Variants in TNIP3 observed in about 807,000 individuals in gnomAD.
The protein encoded by TNIP3 is TNFAIP3 interacting protein 3.
A neutral mutation model predicts 54.1 loss-of-function variants in TNIP3; 34 were observed. The observed-to-expected ratio is 0.63, with a 90% CI of 0.48 to 0.84. The LOEUF (loss-of-function observed/expected upper bound fraction) is 0.84, where lower values mean the gene tolerates loss of function less well. Among genes scored for constraint, TNIP3 ranks in the 40% least tolerant of loss-of-function variants. TNIP3 has a pLI of 0.00. For synonymous variants in TNIP3, 134 were observed against 136.8 expected, an observed-to-expected ratio of 0.98 and a Z score of 0.14; for missense variants, 366 against 387.6, an observed-to-expected ratio of 0.94 and a Z score of 0.47.
At chr4:121,165,258 C>CCCCTACT (rs1730692494), upstream of TNIP3, among the ~76,000 whole-genome samples, 1 of 151,588 alleles carries the variant, frequency 6.6e-6, no homozygotes, top group Non-Finnish European at 1.5e-5. Flanking sequence ...TGAATATCTC[C>CCCCTACT]CCCTACTCTC....
intron 10 of TNIP3, among the ~76,000 whole-genome samples, chr4:121,134,431 ACAG>A (rs957133792): frequency 2.3e-4 from 35 of 152,364 alleles, no homozygotes; most frequent in African/African-American, 8.2e-4. Flanking sequence ...CGTTCTGATA[ACAG>A]ATGAAACAAG....
chr4:121,185,681 A>T (rs1579459476), intron 2 of TNIP3, among the ~76,000 whole-genome samples: 1 of 152,332 alleles, frequency 6.6e-6, no homozygotes, highest in East Asian at 1.9e-4. Flanking sequence ...CCTAAAATGT[A>T]TGTAAATAAA....
At chr4:121,213,216 T>C (rs1726573700) in intron 2 of TNIP3, among the ~76,000 whole-genome samples, 1 of 152,180 alleles carries the variant, frequency 6.6e-6, no homozygotes, top group South Asian at 2.1e-4. Context: ...CCAGAAGGCA[T>C]GAAAAACTGA....
upstream of TNIP3, among the ~76,000 whole-genome samples, chr4:121,165,697 T>G (rs1730727131): frequency 6.6e-6 from 1 of 151,060 alleles, no homozygotes; most frequent in South Asian, 2.1e-4. Context: ...GTGTGTTTAC[T>G]TTCTTCTGGT....
Position 121,181,466 on chromosome 4 carries a change from CA to C in TNIP3, c.189+1209del, listed in dbSNP as rs549501253. Among the ~76,000 whole-genome samples, 285 of 152,100 alleles carry C rather than the reference CA, an allele frequency of 1.9e-3. 2 individuals carry two copies. Among genetic ancestry groups the C allele is most frequent in the African/African-American group, 6.7e-3 (278 of 41,492 alleles). ...ATTAGTACACATTCATCTGTAACTC[CA>C]AAAATAAAGACAACCTGTTCAGGAA... On this transcript the variant is annotated intron_variant, in intron 3 of 12. Coordinates refer to the TNIP3 transcript ENST00000507879.
chr4:121,175,105 A>C (rs941517615), intron 3 of TNIP3, among the ~76,000 whole-genome samples: 2 of 152,158 alleles, frequency 1.3e-5, no homozygotes, highest in Non-Finnish European at 1.5e-5. Context: ...GGTACCTCTC[A>C]AGCCCAATAT....
intron 2 of TNIP3, chr4:121,216,358 G>T: frequency 1.5e-6 from 2 of 1,371,150 alleles, no homozygotes; most frequent in South Asian, 1.3e-5. Flanking sequence ...AAGCAGAAGT[G>T]CTCTAATTAG....
At chr4:121,210,521 G>A (rs1156906117) in intron 2 of TNIP3, among the ~76,000 whole-genome samples, 6 of 152,288 alleles carry the variant, frequency 3.9e-5, no homozygotes, top group African/African-American at 1.2e-4. Context: ...CATAAATAGT[G>A]TCTTAGTCTT....
chr4:121,142,898 A>G (rs1003373705), intron 7 of TNIP3, 122 bp from the exon 8 acceptor site: 1 of 773,266 alleles, frequency 1.3e-6, no homozygotes, highest in Admixed American at 2.8e-5. Flanking sequence ...AATAGCCACA[A>G]GTTGGTTTTT....
chr4:121,189,025 A>C (rs773528198), intron 2 of TNIP3, among the ~76,000 whole-genome samples: 4 of 152,174 alleles, frequency 2.6e-5, no homozygotes, highest in Admixed American at 6.5e-5. Context: ...AAGTAGTGTA[A>C]ATTCTAGAGG....
rs777870833 is a variant in TNIP3, at chr4:121,132,597, G to A, written c.*34C>T. ...AGAGGGTCCTCAGCCACGCTCCCTC[G>A]TTGCCTGTTGTCTCTCTCTGTTAGT... On this transcript the variant is annotated 3_prime_UTR_variant, in exon 11 of 11. Transcript: ENST00000057513. 21 of 1,607,360 alleles carry A rather than the reference G, an allele frequency of 1.3e-5. No homozygotes were observed. Among genetic ancestry groups the A allele is most frequent in the East Asian group, 6.7e-5 (3 of 44,822 alleles).
Position 121,132,336 on chromosome 4 carries a change from G to T in TNIP3, c.*295C>A. 2.7e-6 allele frequency: 1 copy of T among 370,290 alleles called. No individual in the cohort carries two copies. The highest frequency in any genetic ancestry group is 4.9e-6 in the Non-Finnish European group (1 of 204,832). The allele number at this position is 370,290 out of a possible 1,614,324, so 22.9% of individuals were successfully genotyped here. On this transcript the variant is annotated 3_prime_UTR_variant, in exon 11 of 11. Coordinates refer to ENST00000057513, the MANE Select transcript of TNIP3 (RefSeq NM_024873.6). ...TAGAATCATTTTTGTGCATCCAACAGCAATATGCTGAAGAGATTTTCAGGG... is the reference window on the plus strand; with the variant it reads ...TAGAATCATTTTTGTGCATCCAACATCAATATGCTGAAGAGATTTTCAGGG...
At chr4:121,147,837 C>G (rs1304749596) in intron 6 of TNIP3, among the ~76,000 whole-genome samples, 1 of 152,186 alleles carries the variant, frequency 6.6e-6, no homozygotes, top group Non-Finnish European at 1.5e-5. Context: ...GCACATTACA[C>G]TTTCATCACT....
intron 2 of TNIP3, among the ~76,000 whole-genome samples, chr4:121,193,502 C>A (rs969566789): frequency 1.3e-5 from 2 of 152,030 alleles, no homozygotes; most frequent in African/African-American, 4.8e-5. Flanking sequence ...CATTAGAATG[C>A]CTACTGATAA....
intron 7 of TNIP3, among the ~76,000 whole-genome samples, chr4:121,145,001 C>G (rs140717670): frequency 7.3e-4 from 111 of 152,180 alleles, no homozygotes; most frequent in African/African-American, 2.6e-3. Flanking sequence ...TTCTAAGTAC[C>G]CTAAGCATCT....
chr4:121,181,578 G>C (rs1178332809), intron 3 of TNIP3, among the ~76,000 whole-genome samples: 2 of 151,976 alleles, frequency 1.3e-5, no homozygotes, highest in East Asian at 3.9e-4. Flanking sequence ...AAGAGGTACA[G>C]GAGTATCCAC....
At chr4:121,156,078 T>C (rs1560652165) in intron 4 of TNIP3, among the ~76,000 whole-genome samples, 1 of 152,218 alleles carries the variant, frequency 6.6e-6, no homozygotes, top group Non-Finnish European at 1.5e-5. Context: ...GACTGCTACA[T>C]GGCAGAAAGG....
chr4:121,146,998 GA>G (rs1311917372), intron 7 of TNIP3, 50 bp downstream of exon 7: 5 of 1,546,654 alleles, frequency 3.2e-6, no homozygotes, highest in East Asian at 4.6e-5. Flanking sequence ...TTTTTTAAAT[GA>G]AAAAAATATA....
At chr4:121,178,444 G>C (rs1018258452) in intron 3 of TNIP3, among the ~76,000 whole-genome samples, 2 of 152,182 alleles carry the variant, frequency 1.3e-5, no homozygotes, top group African/African-American at 4.8e-5. Context: ...CACCTCAGTC[G>C]CAAGAGCAAT....
Sources: gnomAD v4.1 joint callset for allele counts (sites outside exome capture counted in the v4.1 genomes callset) on GRCh38, gnomAD v4.1.1 for gene constraint, MANE v1.5 for transcripts, NCBI Gene and HGNC (gene_info 2026-07-23, HGNC 2026-07-21) for gene names.